HOXB8: variants seen among roughly 807,000 people sequenced by gnomAD.
The protein encoded by HOXB8 is homeobox protein Hox-B8.
In HOXB8, 17 loss-of-function variants were observed where a neutral mutation model predicts 22.2. The ratio of observed to expected loss-of-function variants is 0.77; its 90% confidence interval spans 0.53 to 1.15. The LOEUF is 1.15. Among genes scored for constraint, HOXB8 ranks in the 50% most tolerant of loss-of-function variants. The probability of loss-of-function intolerance (pLI) is 0.00; values close to 1 mark genes in which losing one functional copy is unlikely to be tolerated. For missense variants in HOXB8, 287 were observed against 323.8 expected, an observed-to-expected ratio of 0.89 and a Z score of 0.87; for synonymous variants, 156 against 144.6, an observed-to-expected ratio of 1.08 and a Z score of -0.57.
rs746252317 is a variant in HOXB8, at chr17:48,613,253, C to G, written c.681G>C (p.Arg227=). The change falls in exon 2 of 2, where the codon CGG becomes CGC. Residue 227 remains arginine, a synonymous_variant. Coordinates refer to ENST00000239144, the MANE Select transcript of HOXB8 (RefSeq NM_024016.4). ...CGCCCTCGTCCGCCGCCTCTGGGGC[C>G]CGCTCCAGCTTCTGTTTCTCCAGCT... ...QEELEKQKLE[R]APEAADEGDA... is the part of the protein sequence containing the mutation. 2 of 1,613,738 alleles carry G rather than the reference C, an allele frequency of 1.2e-6. No homozygotes were observed. The highest frequency in any genetic ancestry group is 2.2e-5 in the South Asian group (2 of 91,056).
At position 48,613,196 on chromosome 17, in the gene HOXB8, T is replaced by C; in HGVS notation, c.*6A>G. ...CGGCCGCGGCCCTGGCAGTCCCAGC[T>C]GAAGCCTACTTCTTGTCGCCCTTCT... On this transcript the variant is annotated 3_prime_UTR_variant, in exon 2 of 2. Coordinates refer to ENST00000239144, the MANE Select transcript of HOXB8 (RefSeq NM_024016.4). 1 of 1,590,046 alleles carries C rather than the reference T, an allele frequency of 6.3e-7. No individual in the cohort carries two copies. Among genetic ancestry groups the C allele is most frequent in the Non-Finnish European group, 8.6e-7 (1 of 1,166,998 alleles).
Position 48,614,109 on chromosome 17 carries a change from G to A in HOXB8, c.424+172C>T, listed in dbSNP as rs959515169. Among the ~76,000 whole-genome samples the A allele has an allele frequency of 2.0e-5, 3 of 152,166 alleles. No individual in the cohort carries two copies. The highest frequency in any genetic ancestry group is 2.9e-5 in the Non-Finnish European group (2 of 68,028). ...AATGTTTCTAAGCGACCCCCTTCAA[G>A]GGAAAGAAAAAAGAAAGAAGAAAGA... On this transcript the variant is annotated intron_variant, in intron 1 of 1. Transcript: ENST00000239144. This position sits in a 1 kb window ranked among gnomAD's most constrained non-coding sequence, Gnocchi z 4.1.
chr17:48,612,649 G>A lies in HOXB8; in HGVS notation c.*553C>T, dbSNP rs577635730. 1.3e-5 allele frequency: 2 copies of A among 152,798 alleles called. No individual in the cohort carries two copies. The highest frequency in any genetic ancestry group is 1.3e-4 in the Admixed American group (2 of 15,290). The allele number at this position is 152,798 out of a possible 1,614,324, so 9.5% of individuals were successfully genotyped here. ...CCAGAGAGAAAGCCAGCGAGCTGGG[G>A]GGTTGCAGAGGGGAGAGAGGATTGG... On this transcript the variant is annotated 3_prime_UTR_variant, in exon 2 of 2. Coordinates refer to ENST00000239144, the MANE Select transcript of HOXB8 (RefSeq NM_024016.4).
Position 48,614,687 on chromosome 17 carries a change from G to C in HOXB8, c.18C>G (p.Val6=). The C allele has an allele frequency of 6.6e-7, 1 of 1,525,370 alleles. No homozygotes were observed. The highest frequency in any genetic ancestry group is 8.9e-7 in the Non-Finnish European group (1 of 1,126,896). The allele number at this position is 1,525,370 out of a possible 1,614,324, so 94.5% of individuals were successfully genotyped here. A position where few individuals can be genotyped will look rare whatever the true frequency, so the allele number is the denominator to read the frequency against. The change falls in exon 1 of 2, where the codon GTC becomes GTG. Residue 6 remains valine (V), a synonymous_variant. Coordinates refer to ENST00000239144, the MANE Select transcript of HOXB8 (RefSeq NM_024016.4). This position sits in a 1 kb window ranked among gnomAD's most constrained non-coding sequence, Gnocchi z 4.1. Reference sequence around the variant, plus strand: ...TTTTGTATTTGGAGAACAGTGAGTTGACGAAATAAGAGCTCATTTTATTGA... The same window carrying C: ...TTTTGTATTTGGAGAACAGTGAGTTCACGAAATAAGAGCTCATTTTATTGA... MSSYF[V]NSLFSKYKTG... is the part of the protein sequence containing the mutation.
At position 48,613,136 on chromosome 17, in the gene HOXB8, G is replaced by A. The variant is rs1335251772; in HGVS notation, c.*66C>T. 3.6e-6 allele frequency: 4 copies of A among 1,121,028 alleles called. No individual in the cohort carries two copies. The highest frequency in any genetic ancestry group is 4.6e-5 in the Admixed American group (1 of 21,820). 69.4% of individuals were successfully genotyped at this position (1,121,028 alleles called of 1,614,324 possible). A position where few individuals can be genotyped will look rare whatever the true frequency, so the allele number is the denominator to read the frequency against. ...AGAGCTCTCTCGGGCAGGGGCGCGC[G>A]GCGGCGGCGCGGCCGGGACCCGCGG... On this transcript the variant is annotated 3_prime_UTR_variant, in exon 2 of 2. Transcript: ENST00000239144.
rs2070664179 is a variant in HOXB8 at position 48,612,625 on chromosome 17, C to G, written c.*577G>C. 1 of 152,096 alleles carries G rather than the reference C, an allele frequency of 6.6e-6. No homozygotes were observed. Among genetic ancestry groups the G allele is most frequent in the Non-Finnish European group, 1.5e-5 (1 of 68,008 alleles). 9.4% of individuals were successfully genotyped at this position (152,096 alleles called of 1,614,324 possible). A position where few individuals can be genotyped will look rare whatever the true frequency, so the allele number is the denominator to read the frequency against. ...GGGTGGAGGAGGAAAAGAGAGAAGC[C>G]AGAGAGAAAGCCAGCGAGCTGGGGG... On this transcript the variant is annotated 3_prime_UTR_variant, in exon 2 of 2. Coordinates refer to ENST00000239144, the MANE Select transcript of HOXB8 (RefSeq NM_024016.4).
At position 48,613,369 on chromosome 17, in the gene HOXB8, GTCTC is replaced by G; in HGVS notation, c.561_564del (p.Glu187AspfsTer12). The G allele has an allele frequency of 6.2e-7, 1 of 1,614,024 alleles. No homozygotes were observed. Among genetic ancestry groups the G allele is most frequent in the Non-Finnish European group, 8.5e-7 (1 of 1,179,984 alleles). Reference sequence around the variant, plus strand: ...CGGTTCTGGAACCAGATTTTGACCTGTCTCTCTGTCAGTCCCAGGGCGTGCGATA... The same window carrying G: ...CGGTTCTGGAACCAGATTTTGACCTGTCTGTCAGTCCCAGGGCGTGCGATA... On this transcript the variant is annotated frameshift_variant, in exon 2 of 2. Coordinates refer to ENST00000239144, the MANE Select transcript of HOXB8 (RefSeq NM_024016.4). LOFTEE classifies it high-confidence loss of function.
At position 48,615,256 on chromosome 17, in the gene HOXB8, C is replaced by A. The variant is rs1380289637; in HGVS notation, c.-552G>T. On this transcript the variant is annotated 5_prime_UTR_variant, in exon 1 of 2. Transcript: ENST00000239144. ...GAGAGAGAGCGAGCGAGAGAGAGAG[C>A]TAGAGCGAGAGAGCGCCAGGGAGTG... Among the ~76,000 whole-genome samples the A allele has an allele frequency of 4.9e-5, 7 of 142,126 alleles. No individual in the cohort carries two copies. In the South Asian group the frequency reaches 1.5e-3, roughly 31 times the overall value. The allele number at this position is 142,126 out of a possible 152,430, so 93.2% of individuals were successfully genotyped here.
chr17:48,614,425 G>T lies in HOXB8; in HGVS notation c.280C>A (p.Gln94Lys). Residue 94 changes from glutamine to lysine, a missense_variant, in exon 1 of 2, where the codon CAG becomes AAG. By Grantham distance (53) the Gln-to-Lys change is moderately conservative. This residue lies in a region of HOXB8 where 229 missense variants were observed against 239.8 expected (regional missense o/e 0.95). Coordinates refer to ENST00000239144, the MANE Select transcript of HOXB8 (RefSeq NM_024016.4). This position sits in a 1 kb window ranked among gnomAD's most constrained non-coding sequence, Gnocchi z 4.1. The stretch of plus-strand genomic sequence containing the variant: ...GGATCCTGCGCACCGAATAGGCTCT[G>T]GCGTTGCAGCGGGTCGTAGCCGTAG... The part of the protein sequence containing the change: ...NFYGYDPLQR[Q>K]SLFGAQDPDL... The T allele has an allele frequency of 6.2e-7, 1 of 1,613,932 alleles. No individual in the cohort carries two copies. Among genetic ancestry groups the T allele is most frequent in the Non-Finnish European group, 8.5e-7 (1 of 1,179,906 alleles).
chr17:48,613,544 G>T, intron 1 of HOXB8, 35 bp from the exon 2 acceptor site: 1 of 1,031,564 alleles, frequency 9.7e-7, no homozygotes, highest in South Asian at 1.4e-5. Context: ...CAGAGGGGAG[G>T]GGAGGGTGGG....
chr17:48,613,460 G>A lies in HOXB8; in HGVS notation c.474C>T (p.Thr158=). ...ATAGGAACTCCTTCTCCAGCTCCAG[G>A]GTCTGGTAGCGGCTGTAGGTCTGTC... is the stretch of plus-strand genomic sequence containing the variant. ...RGRQTYSRYQ[T]LELEKEFLFN... Residue 158 remains threonine (T), a synonymous_variant, in exon 2 of 2, where the codon ACC becomes ACT. Coordinates refer to ENST00000239144, the MANE Select transcript of HOXB8 (RefSeq NM_024016.4). The A allele has an allele frequency of 6.2e-7, 1 of 1,609,432 alleles. No homozygotes were observed. The highest frequency in any genetic ancestry group is 8.5e-7 in the Non-Finnish European group (1 of 1,177,046).
At position 48,613,279 on chromosome 17, in the gene HOXB8, C is replaced by T. The variant is rs1266383212; in HGVS notation, c.655G>A (p.Glu219Lys). The change falls in exon 2 of 2, where the codon GAG becomes AAG. Residue 219 changes from glutamate to lysine, a missense_variant. By Grantham distance (56) the Glu-to-Lys change is moderately conservative (BLOSUM62 1). This residue lies in a region of HOXB8 where 52 missense variants were observed against 54.8 expected (regional missense o/e 0.95). Coordinates refer to ENST00000239144, the MANE Select transcript of HOXB8 (RefSeq NM_024016.4). ...KFPSSKCEQE[E>K]LEKQKLERAP... ...CGCTCCAGCTTCTGTTTCTCCAGCT[C>T]CTCCTGCTCGCATTTGCTGCTGGGG... 6.2e-7 allele frequency: 1 copy of T among 1,613,904 alleles called. No homozygotes were observed. Among genetic ancestry groups the T allele is most frequent in the Non-Finnish European group, 8.5e-7 (1 of 1,179,960 alleles).
Position 48,614,950 on chromosome 17 carries a change from C to G in HOXB8, c.-246G>C. The G allele has an allele frequency of 2.4e-6, 1 of 417,084 alleles. No individual in the cohort carries two copies. Among genetic ancestry groups the G allele is most frequent in the Admixed American group, 4.1e-5 (1 of 24,526 alleles). The allele number at this position is 417,084 out of a possible 1,614,324, so 25.8% of individuals were successfully genotyped here. A position where few individuals can be genotyped will look rare whatever the true frequency, so the allele number is the denominator to read the frequency against. On this transcript the variant is annotated 5_prime_UTR_variant, in exon 1 of 2. Transcript: ENST00000239144. The surrounding 1 kb of genome is among the most constrained non-coding windows in gnomAD (Gnocchi z 4.1). The stretch of plus-strand genomic sequence containing the variant: ...CAGGAATAGAAAAGGACAGAGAAGC[C>G]TCCAAAAGTCTAAGCTTGCATGGCA...
In HOXB8 at chr17:48,614,261, C is replaced by T. The variant is rs1379585255; in HGVS notation, c.424+20G>A. 1.4e-6 allele frequency: 2 copies of T among 1,471,810 alleles called. No individual in the cohort carries two copies. Among genetic ancestry groups the T allele is most frequent in the Non-Finnish European group, 1.8e-6 (2 of 1,119,548 alleles). The allele number at this position is 1,471,810 out of a possible 1,614,324, so 91.2% of individuals were successfully genotyped here. A position where few individuals can be genotyped will look rare whatever the true frequency, so the allele number is the denominator to read the frequency against. On this transcript the variant is annotated intron_variant, in intron 1 of 1. Transcript: ENST00000239144. The surrounding 1 kb of genome is among the most constrained non-coding windows in gnomAD (Gnocchi z 4.1). The stretch of plus-strand genomic sequence containing the variant: ...CCTTCCGGCCCCCTCCTGCCCTTGT[C>T]GGCCCCGAGGCGAGCTCACCTTGCG...
Position 48,613,506 on chromosome 17 carries a change from G to A in HOXB8, c.428C>T (p.Ala143Val), listed in dbSNP as rs754214920. 2 of 1,582,276 alleles carry A rather than the reference G, an allele frequency of 1.3e-6. No homozygotes were observed. The highest frequency in any genetic ancestry group is 1.7e-6 in the Non-Finnish European group (2 of 1,158,354). Residue 143 changes from alanine to valine, a missense_variant, in exon 2 of 2, where the codon GCC (alanine) becomes GTC (valine). This residue lies in a region of HOXB8 where 229 missense variants were observed against 239.8 expected (regional missense o/e 0.95). Coordinates refer to ENST00000239144, the MANE Select transcript of HOXB8 (RefSeq NM_024016.4). ...QLFPWMRPQA[A>V]AGRRRGRQTY... ...CTGTCGGCCTCGCCTGCGTCCGGCGGCTGCTGGGAATGGGGGAAAGGGCGA... is the reference window on the plus strand; with the variant it reads ...CTGTCGGCCTCGCCTGCGTCCGGCGACTGCTGGGAATGGGGGAAAGGGCGA...
chr17:48,614,971 T>C lies in HOXB8; in HGVS notation c.-267A>G, dbSNP rs1423215682. The C allele has an allele frequency of 3.2e-6, 1 of 308,790 alleles. No individual in the cohort carries two copies. Among genetic ancestry groups the C allele is most frequent in the Admixed American group, 4.6e-5 (1 of 21,756 alleles). 19.1% of individuals were successfully genotyped at this position (308,790 alleles called of 1,614,324 possible). On this transcript the variant is annotated 5_prime_UTR_variant, in exon 1 of 2. The change abolishes an upstream ATG in the 5' untranslated region. Coordinates refer to ENST00000239144, the MANE Select transcript of HOXB8 (RefSeq NM_024016.4). This position sits in a 1 kb window ranked among gnomAD's most constrained non-coding sequence, Gnocchi z 4.1. ...AAGCCTCCAAAAGTCTAAGCTTGCA[T>C]GGCAGCCGCGGCTCGCTCGCCCTCC...
chr17:48,614,832 C>G lies in HOXB8; in HGVS notation c.-128G>C. ...GGATTCGCCGGCTCCTAGTCACCCT[C>G]GCCAGGAAAGGAGAGGGAAAGAGAG... On this transcript the variant is annotated 5_prime_UTR_variant, in exon 1 of 2. Transcript: ENST00000239144. This position sits in a 1 kb window ranked among gnomAD's most constrained non-coding sequence, Gnocchi z 4.1. 1 of 713,898 alleles carries G rather than the reference C, an allele frequency of 1.4e-6. No homozygotes were observed. The allele number at this position is 713,898 out of a possible 1,614,324, so 44.2% of individuals were successfully genotyped here.
chr17:48,615,153 T>C lies in HOXB8; in HGVS notation c.-449A>G, dbSNP rs2070710401. 6.6e-6 allele frequency among the ~76,000 whole-genome samples: 1 copy of C among 151,394 alleles called. No homozygotes were observed. Among genetic ancestry groups the C allele is most frequent in the African/African-American group, 2.4e-5 (1 of 41,186 alleles). ...TTTTGCACTGTCTTTTCATGATCATTTGCATCCATTAGAGACCCCGCATCC... is the reference window on the plus strand; with the variant it reads ...TTTTGCACTGTCTTTTCATGATCATCTGCATCCATTAGAGACCCCGCATCC... On this transcript the variant is annotated 5_prime_UTR_variant, in exon 1 of 2. Coordinates refer to ENST00000239144, the MANE Select transcript of HOXB8 (RefSeq NM_024016.4).
chr17:48,614,231 T>C lies in HOXB8; in HGVS notation c.424+50A>G, dbSNP rs2145001326. The C allele has an allele frequency of 5.3e-6, 2 of 374,512 alleles. No homozygotes were observed. Among genetic ancestry groups the C allele is most frequent in the Non-Finnish European group, 7.9e-6 (2 of 252,116 alleles). 23.2% of individuals were successfully genotyped at this position (374,512 alleles called of 1,614,324 possible). A position where few individuals can be genotyped will look rare whatever the true frequency, so the allele number is the denominator to read the frequency against. On this transcript the variant is annotated intron_variant, in intron 1 of 1. Transcript: ENST00000239144. The surrounding 1 kb of genome is among the most constrained non-coding windows in gnomAD (Gnocchi z 4.1). ...AAATGCGCCCCGGCCTGCCAGGCCT[T>C]GGGCCCTTCCGGCCCCCTCCTGCCC...
Sources: allele counts gnomAD v4.1 joint callset (sites outside exome capture counted in the v4.1 genomes callset), GRCh38; gene constraint gnomAD v4.1.1; regional missense constraint gnomAD v4.1.1; non-coding constraint Gnocchi (gnomAD v3.1); transcripts MANE v1.5; gene names NCBI Gene and HGNC (gene_info 2026-07-23, HGNC 2026-07-21).